The following PSTPIP2 variants were observed in gnomAD, a reference collection of about 807,000 sequenced individuals.
The protein encoded by PSTPIP2 is proline-serine-threonine phosphatase-interacting protein 2.
In PSTPIP2, 33 loss-of-function variants were observed where a neutral mutation model predicts 63.3. The observed-to-expected ratio is 0.52, with a 90% CI of 0.40 to 0.70. The LOEUF is 0.70. Among genes scored for constraint, PSTPIP2 ranks in the 30% least tolerant of loss-of-function variants. PSTPIP2 has a pLI of 0.00. For synonymous variants in PSTPIP2, 125 were observed against 132.7 expected (o/e 0.94, Z 0.40); for missense variants, 312 against 400.7 (o/e 0.78, Z 1.89).
intron 1 of PSTPIP2, among the ~76,000 whole-genome samples, chr18:46,064,920 A>T (rs532011653): frequency 6.6e-6 from 1 of 152,070 alleles, no homozygotes; most frequent in South Asian, 2.1e-4. Context: ...TGAGACAGGC[A>T]GATCACCTGA....
rs187044875 is a variant in PSTPIP2, at chr18:46,049,961, C to T, written c.34-9914G>A. Among the ~76,000 whole-genome samples the T allele has an allele frequency of 4.4e-3, 669 of 151,986 alleles. 7 individuals are homozygous for T. The Middle Eastern group carries it at 0.058, about 13-fold the overall frequency. On this transcript the variant is annotated intron_variant, in intron 1 of 14. Coordinates refer to ENST00000409746, the MANE Select transcript of PSTPIP2 (RefSeq NM_024430.4). ...ACAGGCAACACTCTAAAAAGAAAAA[C>T]GGTCAGTAAGCAATTTTTAAATAAG...
intron 5 of PSTPIP2, among the ~76,000 whole-genome samples, chr18:46,010,137 G>A (rs962056859): frequency 6.6e-6 from 1 of 152,192 alleles, no homozygotes; most frequent in African/African-American, 2.4e-5. Context: ...GCCCACCATA[G>A]AGGCCAGTGG....
chr18:46,057,193 C>T lies in PSTPIP2; in HGVS notation c.33+14963G>A, dbSNP rs184425366. ...CTCAGCCTAGCCCTGGCTCTGCCTGCGTCCCACTCAGCAGAGACCCCTCCC... is the reference window on the plus strand; with the variant it reads ...CTCAGCCTAGCCCTGGCTCTGCCTGTGTCCCACTCAGCAGAGACCCCTCCC... On this transcript the variant is annotated intron_variant, in intron 1 of 14. Transcript: ENST00000409746. 6.4e-3 allele frequency among the ~76,000 whole-genome samples: 978 copies of T among 152,270 alleles called. 4 individuals carry two copies. The highest frequency in any genetic ancestry group is 9.5e-3 in the Non-Finnish European group (649 of 68,012).
At chr18:46,027,197 A>C (rs1439215249) in intron 2 of PSTPIP2, among the ~76,000 whole-genome samples, 2 of 152,066 alleles carry the variant, frequency 1.3e-5, no homozygotes, top group Non-Finnish European at 2.9e-5. Flanking sequence ...TGGGAGGCTG[A>C]GGCAGGAGAA....
intron 2 of PSTPIP2, chr18:46,028,367 C>T: frequency 2.0e-6 from 1 of 493,028 alleles, no homozygotes; most frequent in East Asian, 5.4e-5. Flanking sequence ...GCCGCTTCAT[C>T]CCAGCGAAAA....
chr18:46,070,740 G>A (rs1420838088), intron 1 of PSTPIP2, among the ~76,000 whole-genome samples: 3 of 151,614 alleles, frequency 2.0e-5, no homozygotes, highest in Non-Finnish European at 4.4e-5. Flanking sequence ...GGGTGGTCTC[G>A]AACTCCTGGC....
chr18:46,057,817 GAAACCCCGTCTCTACTAAAAAATACAA>G (rs1385304281), intron 1 of PSTPIP2, among the ~76,000 whole-genome samples: 6 of 151,848 alleles, frequency 4.0e-5, no homozygotes, highest in Non-Finnish European at 1.5e-5. Context: ...CTAACACGGT[GAAACCCCGTCTCTACTAAAAAATACAA>G]AAAATTAGCC....
rs571433525 is a variant in PSTPIP2, at chr18:46,011,035, A to G, written c.354+146T>C. The G allele has an allele frequency of 1.8e-4, 122 of 674,266 alleles. 1 individual carries two copies. The highest frequency in any genetic ancestry group is 1.0e-3 in the Middle Eastern group (4 of 3,998). The allele number at this position is 674,266 out of a possible 1,614,324, so 41.8% of individuals were successfully genotyped here. A position where few individuals can be genotyped will look rare whatever the true frequency, so the allele number is the denominator to read the frequency against. ...GAAATGCATATACCCATCTGGACTGAGTCCCCATGTGGGGACTCCAGTAAG... is the reference window on the plus strand; with the variant it reads ...GAAATGCATATACCCATCTGGACTGGGTCCCCATGTGGGGACTCCAGTAAG... On this transcript the variant is annotated intron_variant, in intron 5 of 14. Coordinates refer to ENST00000409746, the MANE Select transcript of PSTPIP2 (RefSeq NM_024430.4).
At chr18:46,064,738 T>C (rs558694357) in intron 1 of PSTPIP2, among the ~76,000 whole-genome samples, 46 of 152,208 alleles carry the variant, frequency 3.0e-4, no homozygotes, top group Middle Eastern at 6.8e-3. Flanking sequence ...TAGAGAAACA[T>C]AGTAAAATGG....
intron 14 of PSTPIP2, among the ~76,000 whole-genome samples, chr18:45,987,252 A>T (rs2095367084): frequency 6.6e-6 from 1 of 152,178 alleles, no homozygotes. Context: ...ACAATGTTTG[A>T]TGTGCTCACT....
chr18:46,071,167 A>G (rs9783884), intron 1 of PSTPIP2, among the ~76,000 whole-genome samples: 58,611 of 151,780 alleles, frequency 0.39, 11,685 homozygotes, highest in Middle Eastern at 0.53. Flanking sequence ...AGGTTTCTCT[A>G]CCCTGCAGCC....
intron 3 of PSTPIP2, among the ~76,000 whole-genome samples, chr18:46,023,977 T>C (rs1907480195): frequency 6.6e-6 from 1 of 152,052 alleles, no homozygotes; most frequent in South Asian, 2.1e-4. Flanking sequence ...TTAGAAGGTA[T>C]TAATAACAGG....
At chr18:46,021,766 T>C (rs1907362302) in intron 3 of PSTPIP2, among the ~76,000 whole-genome samples, 1 of 132,248 alleles carries the variant, frequency 7.6e-6, no homozygotes, top group Non-Finnish European at 1.5e-5. Flanking sequence ...ACCAACGTGG[T>C]AAAACCCTGT....
intron 1 of PSTPIP2, among the ~76,000 whole-genome samples, chr18:46,067,502 CAA>C (rs534950641): frequency 4.2e-5 from 5 of 118,290 alleles, no homozygotes; most frequent in Non-Finnish European, 5.2e-5. Context: ...GACTCTGTCT[CAA>C]AAAAAAAAAA....
intron 1 of PSTPIP2, among the ~76,000 whole-genome samples, chr18:46,066,690 C>T (rs1212921964): frequency 6.6e-6 from 1 of 152,190 alleles, no homozygotes; most frequent in Non-Finnish European, 1.5e-5. Flanking sequence ...ATGATATTCT[C>T]CTCATGCAAG....
At chr18:46,059,555 C>A (rs1908914050) in intron 1 of PSTPIP2, among the ~76,000 whole-genome samples, 1 of 151,746 alleles carries the variant, frequency 6.6e-6, no homozygotes, top group Admixed American at 6.6e-5. Context: ...GGTCTTATTT[C>A]TTTATTTTAA....
chr18:45,991,874 C>G, intron 12 of PSTPIP2, 28 bp downstream of exon 12: 2 of 1,538,202 alleles, frequency 1.3e-6, no homozygotes, highest in Non-Finnish European at 1.8e-6. Context: ...AAGTATTTTT[C>G]TTCATATGAA....
At chr18:46,029,854 C>T (rs1907725611) in intron 2 of PSTPIP2, 7 of 373,834 alleles carry the variant, frequency 1.9e-5, no homozygotes, top group South Asian at 1.5e-4. Context: ...GTGGCTCACA[C>T]CTGTAATCTC....
chr18:46,046,650 G>A (rs948811346), intron 1 of PSTPIP2, among the ~76,000 whole-genome samples: 4 of 152,232 alleles, frequency 2.6e-5, no homozygotes, highest in African/African-American at 9.6e-5. Context: ...ATAAGAAGAA[G>A]AAAGCAGGAT....
Sources: gnomAD v4.1 joint callset for allele counts (sites outside exome capture counted in the v4.1 genomes callset) on GRCh38, gnomAD v4.1.1 for gene constraint, MANE v1.5 for transcripts, NCBI Gene and HGNC (gene_info 2026-07-23, HGNC 2026-07-21) for gene names.